Variants in LRRTM4 observed in about 807,000 individuals in gnomAD.
LRRTM4 encodes the protein leucine rich repeat transmembrane neuronal 4.
LRRTM4 carries 25 observed loss-of-function variants against 47.6 expected under a neutral mutation model. That is an observed-to-expected ratio of 0.53 (90% CI 0.38 to 0.73). The LOEUF is 0.73. Ranked by LOEUF, LRRTM4 falls within the 30% of genes least tolerant of loss-of-function variation. LRRTM4 has a pLI of 0.00. For missense variants in LRRTM4, 638 were observed against 713.4 expected (o/e 0.89, Z 1.20); for synonymous variants, 311 against 269.5 (o/e 1.15, Z -1.51).
At chr2:77,072,282 C>A (rs568446545) in intron 3 of LRRTM4, among the ~76,000 whole-genome samples, 3 of 151,980 alleles carry the variant, frequency 2.0e-5, no homozygotes, top group African/African-American at 7.2e-5. Context: ...AGGTTAATCT[C>A]TTTTAAATGA....
intron 3 of LRRTM4, among the ~76,000 whole-genome samples, chr2:77,006,004 T>C (rs1017855342): frequency 1.3e-5 from 2 of 152,104 alleles, no homozygotes; most frequent in African/African-American, 4.8e-5. Context: ...AATAGAAGAG[T>C]CAGGATTTAA....
At chr2:76,806,236 A>G (rs1277189984) in intron 3 of LRRTM4, among the ~76,000 whole-genome samples, 1 of 152,206 alleles carries the variant, frequency 6.6e-6, no homozygotes, top group Non-Finnish European at 1.5e-5. Context: ...CCTACCTTAA[A>G]CTGTAAAATT....
chr2:76,895,912 G>A (rs1003647918), intron 3 of LRRTM4, among the ~76,000 whole-genome samples: 1 of 151,934 alleles, frequency 6.6e-6, no homozygotes, highest in African/African-American at 2.4e-5. Context: ...CTTCCACTCA[G>A]CTGTGGAAGG....
intron 3 of LRRTM4, among the ~76,000 whole-genome samples, chr2:77,142,168 C>A (rs907240527): frequency 6.6e-6 from 1 of 152,064 alleles, no homozygotes; most frequent in East Asian, 1.9e-4. Context: ...AAGTCTTCCT[C>A]GGTGATCAGA....
At chr2:77,063,642 C>A (rs371490408) in intron 3 of LRRTM4, among the ~76,000 whole-genome samples, 3 of 151,826 alleles carry the variant, frequency 2.0e-5, no homozygotes, top group East Asian at 1.9e-4. Flanking sequence ...AGTTAAAAAC[C>A]AAATCAACTC....
intron 3 of LRRTM4, among the ~76,000 whole-genome samples, chr2:77,365,102 A>G (rs1672391113): frequency 6.6e-6 from 1 of 151,954 alleles, no homozygotes; most frequent in Admixed American, 6.6e-5. Context: ...AAAGGAAAAA[A>G]TAATAAAAGA....
At chr2:77,019,881 G>C (rs1678205708) in intron 3 of LRRTM4, among the ~76,000 whole-genome samples, 2 of 152,136 alleles carry the variant, frequency 1.3e-5, no homozygotes, top group African/African-American at 4.8e-5. Context: ...TGGCAAAGAG[G>C]CTGTGGGTGA....
rs1443199350 is a variant in LRRTM4 at position 77,111,471 on chromosome 2, AC to A, written c.1552-362556del. ...AGGTTCACTTTCCAAGGTTTCAGTT[AC>A]CCAGGTCAACCAAAGTGCGAAAATA... is the stretch of plus-strand genomic sequence containing the variant. On this transcript the variant is annotated intron_variant, in intron 3 of 3. Transcript: ENST00000409884. 2.6e-5 allele frequency among the ~76,000 whole-genome samples: 4 copies of A among 152,018 alleles called. No homozygotes were observed. The East Asian group carries it at 7.8e-4, about 30-fold the overall frequency.
At chr2:77,335,026 C>T (rs973038931) in intron 3 of LRRTM4, among the ~76,000 whole-genome samples, 5 of 152,120 alleles carry the variant, frequency 3.3e-5, no homozygotes, top group African/African-American at 1.2e-4. Flanking sequence ...CCTTCTTTAG[C>T]TTTTTCCTTT....
chr2:76,972,791 C>T (rs1164998024), intron 3 of LRRTM4, among the ~76,000 whole-genome samples: 1 of 151,890 alleles, frequency 6.6e-6, no homozygotes, highest in African/African-American at 2.4e-5. Context: ...AAACTGTTGT[C>T]CCTAAACTCA....
intron 3 of LRRTM4, among the ~76,000 whole-genome samples, chr2:77,111,242 C>T (rs955023208): frequency 1.3e-4 from 20 of 150,786 alleles, no homozygotes; most frequent in African/African-American, 4.4e-4. Context: ...CTCAGGCTGC[C>T]GAGTAGCTGG....
intron 3 of LRRTM4, among the ~76,000 whole-genome samples, chr2:76,870,582 C>A (rs934368421): frequency 6.6e-6 from 1 of 152,080 alleles, no homozygotes; most frequent in Non-Finnish European, 1.5e-5. Context: ...TGTCTTGATT[C>A]TATTGCTACA....
At chr2:77,058,255 T>A (rs1679672012) in intron 3 of LRRTM4, among the ~76,000 whole-genome samples, 1 of 152,104 alleles carries the variant, frequency 6.6e-6, no homozygotes, top group African/African-American at 2.4e-5. Flanking sequence ...TTTAAGTTGC[T>A]TTTGGTCATA....
chr2:76,923,767 C>T lies in LRRTM4; in HGVS notation c.1552-174851G>A, dbSNP rs185386037. Among the ~76,000 whole-genome samples the T allele has an allele frequency of 1.1e-3, 172 of 152,228 alleles. 1 individual carries two copies. The highest frequency in any genetic ancestry group is 3.9e-3 in the African/African-American group (162 of 41,570). ...GATGCTATTTCCTTACTGTGTTTCACAAAGGCAAATAGGAATATTTGTATT... is the reference window on the plus strand; with the variant it reads ...GATGCTATTTCCTTACTGTGTTTCATAAAGGCAAATAGGAATATTTGTATT... On this transcript the variant is annotated intron_variant, in intron 3 of 3. Coordinates refer to ENST00000409884, the MANE Select transcript of LRRTM4 (RefSeq NM_001134745.3).
intron 3 of LRRTM4, among the ~76,000 whole-genome samples, chr2:77,503,312 T>C (rs949912535): frequency 7.3e-5 from 11 of 151,600 alleles, no homozygotes; most frequent in Admixed American, 5.9e-4. Flanking sequence ...CCAAGATAGA[T>C]TGCTTATGGA....
At chr2:77,355,538 C>A (rs997893193) in intron 3 of LRRTM4, among the ~76,000 whole-genome samples, 11 of 152,184 alleles carry the variant, frequency 7.2e-5, no homozygotes, top group African/African-American at 2.2e-4. Flanking sequence ...CACTGGAGAA[C>A]AATACAACAC....
At chr2:76,890,484 TTCTAAGACTGTTTAA>T (rs1337586912) in intron 3 of LRRTM4, among the ~76,000 whole-genome samples, 1 of 152,012 alleles carries the variant, frequency 6.6e-6, no homozygotes, top group Non-Finnish European at 1.5e-5. Flanking sequence ...TGATTACATT[TTCTAAGACTGTTTAA>T]TGTTCATATT....
At chr2:76,833,228 A>G (rs145130349) in intron 3 of LRRTM4, among the ~76,000 whole-genome samples, 1 of 152,230 alleles carries the variant, frequency 6.6e-6, no homozygotes, top group Admixed American at 6.6e-5. Flanking sequence ...AAGGGTGAAG[A>G]GTTTTATTTT....
Position 76,874,613 on chromosome 2 carries a change from T to G in LRRTM4, c.1552-125697A>C, listed in dbSNP as rs1212062444. Among the ~76,000 whole-genome samples the G allele has an allele frequency of 2.6e-5, 4 of 151,356 alleles. No individual in the cohort carries two copies. The East Asian group carries it at 5.8e-4, about 22-fold the overall frequency. On this transcript the variant is annotated intron_variant, in intron 3 of 3. Transcript: ENST00000409884. Reference sequence around the variant, plus strand: ...AGGGACCACTGTTTATTTAGAAAGTTTTTTTTTTAGGCATTGATCATTGAT... The same window carrying G: ...AGGGACCACTGTTTATTTAGAAAGTGTTTTTTTTAGGCATTGATCATTGAT...
Sources: allele counts gnomAD v4.1 joint callset (sites outside exome capture counted in the v4.1 genomes callset), GRCh38; gene constraint gnomAD v4.1.1; transcripts MANE v1.5; gene names NCBI Gene and HGNC (gene_info 2026-07-23, HGNC 2026-07-21).